Variants in LCLAT1 observed in about 807,000 individuals in gnomAD.
LCLAT1 encodes lysocardiolipin acyltransferase 1, also known as 1-AGP acyltransferase 8.
LCLAT1 carries 11 observed loss-of-function variants against 30.7 expected under a neutral mutation model. That is an observed-to-expected ratio of 0.36 (90% CI 0.23 to 0.59). The LOEUF (loss-of-function observed/expected upper bound fraction) is 0.59. Ranked by LOEUF, LCLAT1 falls within the 20% of genes least tolerant of loss-of-function variation. LCLAT1 has a pLI of 0.77. For missense variants in LCLAT1, 402 were observed against 458.6 expected (o/e 0.88, Z 1.13); for synonymous variants, 155 against 151.3 (o/e 1.02, Z -0.18).
At chr2:30,605,134 A>T (rs1323591380) in intron 5 of LCLAT1, among the ~76,000 whole-genome samples, 1 of 152,204 alleles carries the variant, frequency 6.6e-6, no homozygotes, top group Non-Finnish European at 1.5e-5. Flanking sequence ...AAAGACCAAA[A>T]TGTTTGTGTG....
At chr2:30,599,942 C>T (rs757765043) in intron 5 of LCLAT1, among the ~76,000 whole-genome samples, 21 of 152,050 alleles carry the variant, frequency 1.4e-4, no homozygotes, top group Non-Finnish European at 2.1e-4. Flanking sequence ...TGTTTGAATT[C>T]GACCCTGTCA....
At chr2:30,478,757 A>G (rs963153475) in intron 1 of LCLAT1, among the ~76,000 whole-genome samples, 1 of 152,194 alleles carries the variant, frequency 6.6e-6, no homozygotes, top group African/African-American at 2.4e-5. Context: ...ACATAAACAA[A>G]TGAAGTAACT....
intron 5 of LCLAT1, among the ~76,000 whole-genome samples, chr2:30,639,686 G>A (rs2148539605): frequency 6.6e-6 from 1 of 152,244 alleles, no homozygotes; most frequent in African/African-American, 2.4e-5. Flanking sequence ...CTTTTCAGTA[G>A]CTATCGTGGT....
At chr2:30,635,759 AGTACTGTCCAAAGAGCTCACT>A (rs1244436786) in intron 5 of LCLAT1, among the ~76,000 whole-genome samples, 1 of 152,232 alleles carries the variant, frequency 6.6e-6, no homozygotes, top group Non-Finnish European at 1.5e-5. Flanking sequence ...CTATGTGCCA[AGTACTGTCCAAAGAGCTCACT>A]GTACATTAGT....
intron 3 of LCLAT1, among the ~76,000 whole-genome samples, chr2:30,557,584 T>C (rs559605736): frequency 2.6e-4 from 39 of 152,186 alleles, no homozygotes; most frequent in Non-Finnish European, 5.0e-4. Flanking sequence ...CTGGCTAATT[T>C]ATATATTTTT....
At chr2:30,605,853 G>C (rs186410596) in intron 5 of LCLAT1, among the ~76,000 whole-genome samples, 615 of 152,130 alleles carry the variant, frequency 4.0e-3, no homozygotes, top group African/African-American at 0.014. Flanking sequence ...GGGAGGGAGT[G>C]GGGGGATGGT....
At chr2:30,593,734 C>G (rs1328329710) in intron 5 of LCLAT1, among the ~76,000 whole-genome samples, 1 of 151,868 alleles carries the variant, frequency 6.6e-6, no homozygotes, top group African/African-American at 2.4e-5. Flanking sequence ...TCTAATTAAT[C>G]CATTTAAAGA....
At chr2:30,557,645 C>T (rs1037802600) in intron 3 of LCLAT1, among the ~76,000 whole-genome samples, 6 of 152,154 alleles carry the variant, frequency 3.9e-5, no homozygotes, top group African/African-American at 1.4e-4. Context: ...GAACTCCTGA[C>T]CTCAGGTGAT....
At chr2:30,597,843 G>A (rs997739604) in intron 5 of LCLAT1, among the ~76,000 whole-genome samples, 2 of 152,166 alleles carry the variant, frequency 1.3e-5, no homozygotes, top group African/African-American at 4.8e-5. Context: ...TTTATTGAGA[G>A]TTTTGAACAT....
chr2:30,483,429 T>G (rs1683411419), intron 1 of LCLAT1, among the ~76,000 whole-genome samples: 1 of 152,214 alleles, frequency 6.6e-6, no homozygotes, highest in African/African-American at 2.4e-5. Context: ...CCTGCCACGC[T>G]TAGTAACTCT....
chr2:30,539,015 A>G (rs958580286), intron 3 of LCLAT1, among the ~76,000 whole-genome samples: 19 of 149,152 alleles, frequency 1.3e-4, no homozygotes, highest in African/African-American at 4.2e-4. Flanking sequence ...GCTGGAGTGC[A>G]GTGGTGTGAT....
chr2:30,507,686 C>T (rs924868909), intron 1 of LCLAT1, among the ~76,000 whole-genome samples: 1 of 152,082 alleles, frequency 6.6e-6, no homozygotes, highest in African/African-American at 2.4e-5. Context: ...TGTATTTGTA[C>T]CACATTTTCT....
intron 3 of LCLAT1, among the ~76,000 whole-genome samples, chr2:30,553,122 A>G (rs1486229751): frequency 2.0e-5 from 3 of 152,266 alleles, no homozygotes; most frequent in Non-Finnish European, 4.4e-5. Flanking sequence ...TGATGTTTTC[A>G]TTACTCAGTT....
At chr2:30,632,417 A>G (rs1358716156) in intron 5 of LCLAT1, among the ~76,000 whole-genome samples, 1 of 152,222 alleles carries the variant, frequency 6.6e-6, no homozygotes, top group Admixed American at 6.5e-5. Context: ...TATGCCAGAC[A>G]TAATAGGGCT....
chr2:30,608,684 G>A (rs1394376926), intron 5 of LCLAT1, among the ~76,000 whole-genome samples: 2 of 152,080 alleles, frequency 1.3e-5, no homozygotes, highest in Admixed American at 6.6e-5. Flanking sequence ...GGAGCAACAG[G>A]CCATACCATA....
intron 1 of LCLAT1, chr2:30,489,383 C>G (rs1417084489): frequency 6.6e-6 from 1 of 151,604 alleles, no homozygotes; most frequent in South Asian, 2.1e-4. Context: ...GACGGAGTCT[C>G]GCTCTGTCGC....
At chr2:30,531,663 A>G (rs1685990833) in intron 2 of LCLAT1, among the ~76,000 whole-genome samples, 1 of 152,216 alleles carries the variant, frequency 6.6e-6, no homozygotes, top group South Asian at 2.1e-4. Context: ...ATTTTGTATC[A>G]GGATGTTAAC....
At chr2:30,485,221 A>G (rs186045148) in intron 1 of LCLAT1, among the ~76,000 whole-genome samples, 43 of 152,204 alleles carry the variant, frequency 2.8e-4, no homozygotes, top group Middle Eastern at 3.4e-3. Context: ...GGTTGGCTTC[A>G]TTTGGTTTGG....
intron 1 of LCLAT1, among the ~76,000 whole-genome samples, chr2:30,524,388 A>C (rs1237649677): frequency 6.6e-6 from 1 of 152,254 alleles, no homozygotes; most frequent in East Asian, 1.9e-4. Context: ...GATTTTAAAA[A>C]ATTTCAATGT....
Sources: allele counts gnomAD v4.1 joint callset (sites outside exome capture counted in the v4.1 genomes callset), GRCh38; gene constraint gnomAD v4.1.1; transcripts MANE v1.5; gene names NCBI Gene and HGNC (gene_info 2026-07-23, HGNC 2026-07-21).